The following ARHGEF26 variants were observed in gnomAD, a reference collection of about 807,000 sequenced individuals.
The protein encoded by ARHGEF26 is Rho guanine nucleotide exchange factor 26, also known as Rho guanine nucleotide exchange factor (GEF) 26.
A neutral mutation model predicts 89.4 loss-of-function variants in ARHGEF26; 59 were observed. That is an observed-to-expected ratio of 0.66 (90% CI 0.54 to 0.82). The LOEUF is 0.82. Among genes scored for constraint, ARHGEF26 ranks in the 40% least tolerant of loss-of-function variants. The probability of loss-of-function intolerance (pLI) is 0.00; values close to 1 mark genes in which losing one functional copy is unlikely to be tolerated. For synonymous variants in ARHGEF26, 500 were observed against 428.4 expected, an observed-to-expected ratio of 1.17 and a Z score of -2.06; for missense variants, 1,234 against 1,085.6, an observed-to-expected ratio of 1.14 and a Z score of -1.92.
intron 6 of ARHGEF26, among the ~76,000 whole-genome samples, chr3:154,167,932 G>A (rs560675459): frequency 6.6e-6 from 1 of 152,032 alleles, no homozygotes. Context: ...CAATCTCCAG[G>A]TATTTTATTT....
intron 4 of ARHGEF26, among the ~76,000 whole-genome samples, chr3:154,140,115 CTGAA>C (rs1719268303): frequency 6.7e-6 from 1 of 148,970 alleles, no homozygotes; most frequent in East Asian, 2.0e-4. Flanking sequence ...GTCCAAAGTT[CTGAA>C]TGAGCAGACT....
chr3:154,225,361 G>A (rs940508395), intron 10 of ARHGEF26, among the ~76,000 whole-genome samples: 1 of 151,930 alleles, frequency 6.6e-6, no homozygotes, highest in Non-Finnish European at 1.5e-5. Flanking sequence ...AAGCATGTAG[G>A]TTTTTTTCTC....
intron 6 of ARHGEF26, among the ~76,000 whole-genome samples, chr3:154,180,838 G>A (rs1713138397): frequency 6.6e-6 from 1 of 151,958 alleles, no homozygotes; most frequent in Admixed American, 6.6e-5. Flanking sequence ...GATGTAGGTA[G>A]GATATTTTCT....
At chr3:154,237,145 G>A (rs1319089186) in intron 11 of ARHGEF26, among the ~76,000 whole-genome samples, 2 of 152,120 alleles carry the variant, frequency 1.3e-5, no homozygotes, top group Non-Finnish European at 2.9e-5. Flanking sequence ...CTTAATCAGT[G>A]GCATTGTAGT....
At chr3:154,132,560 C>T (rs1297736106) in intron 4 of ARHGEF26, among the ~76,000 whole-genome samples, 4 of 152,116 alleles carry the variant, frequency 2.6e-5, no homozygotes, top group East Asian at 1.9e-4. Flanking sequence ...AGGACCCTAA[C>T]GAGCGGAGGC....
chr3:154,151,854 A>G (rs1340410871), intron 5 of ARHGEF26, among the ~76,000 whole-genome samples: 1 of 152,148 alleles, frequency 6.6e-6, no homozygotes, highest in Non-Finnish European at 1.5e-5. Context: ...GAAGGGGTGG[A>G]GCCCTGGAGA....
intron 4 of ARHGEF26, among the ~76,000 whole-genome samples, chr3:154,137,952 C>G (rs1465109796): frequency 6.6e-6 from 1 of 152,152 alleles, no homozygotes; most frequent in African/African-American, 2.4e-5. Context: ...TGGCAATACT[C>G]TTCTGAAAAT....
chr3:154,255,940 T>A lies in ARHGEF26; in HGVS notation c.*467T>A. ...ATTTCCCTGCCTTTTTTTTTCTTTT[T>A]TTACATCTGATTTTAATGCTTCGTT... On this transcript the variant is annotated 3_prime_UTR_variant, in exon 15 of 15. Coordinates refer to ENST00000465093, the MANE Select transcript of ARHGEF26 (RefSeq NM_015595.4). 4 of 986,824 alleles carry A rather than the reference T, an allele frequency of 4.1e-6. No individual in the cohort carries two copies. Among genetic ancestry groups the A allele is most frequent in the Non-Finnish European group, 4.8e-6 (4 of 830,694 alleles). 61.1% of individuals were successfully genotyped at this position (986,824 alleles called of 1,614,324 possible). A position where few individuals can be genotyped will look rare whatever the true frequency, so the allele number is the denominator to read the frequency against.
At chr3:154,155,134 A>C (rs1720253294) in intron 6 of ARHGEF26, among the ~76,000 whole-genome samples, 1 of 151,928 alleles carries the variant, frequency 6.6e-6, no homozygotes, top group South Asian at 2.1e-4. Flanking sequence ...CTGATAGGTA[A>C]GGAGGATTAT....
intron 4 of ARHGEF26, among the ~76,000 whole-genome samples, chr3:154,132,856 C>G (rs890635268): frequency 6.6e-6 from 1 of 151,894 alleles, no homozygotes; most frequent in Non-Finnish European, 1.5e-5. Context: ...TTTTAATAAT[C>G]AAAATAGTAA....
At chr3:154,249,459 G>T (rs141577810) in intron 12 of ARHGEF26, among the ~76,000 whole-genome samples, 5 of 152,318 alleles carry the variant, frequency 3.3e-5, no homozygotes, top group Non-Finnish European at 7.3e-5. Context: ...GTTATGAAAA[G>T]ACTACATTTA....
intron 9 of ARHGEF26, among the ~76,000 whole-genome samples, chr3:154,199,234 G>A (rs920064443): frequency 7.9e-5 from 12 of 151,252 alleles, no homozygotes; most frequent in Non-Finnish European, 1.8e-4. Flanking sequence ...CCTAGCCTCT[G>A]GTAAGCATCA....
intron 6 of ARHGEF26, among the ~76,000 whole-genome samples, chr3:154,176,056 G>A (rs1354693516): frequency 6.6e-6 from 1 of 152,186 alleles, no homozygotes; most frequent in African/African-American, 2.4e-5. Flanking sequence ...TGTTACCGTG[G>A]CAGGGCCTGG....
intron 6 of ARHGEF26, among the ~76,000 whole-genome samples, chr3:154,181,083 T>C (rs1452612752): frequency 6.6e-6 from 1 of 152,156 alleles, no homozygotes; most frequent in African/African-American, 2.4e-5. Context: ...CCTGATCCAG[T>C]ATGTCAAAAG....
chr3:154,150,758 T>G (rs375606942), intron 5 of ARHGEF26, among the ~76,000 whole-genome samples: 3 of 152,142 alleles, frequency 2.0e-5, no homozygotes, highest in South Asian at 4.1e-4. Flanking sequence ...ATTTGAACAT[T>G]TTTGTTCTTT....
chr3:154,125,225 A>C (rs564891616), intron 3 of ARHGEF26, among the ~76,000 whole-genome samples: 4 of 152,222 alleles, frequency 2.6e-5, no homozygotes, highest in African/African-American at 9.6e-5. Context: ...CCATAGGTCA[A>C]GCAAATGTAC....
chr3:154,157,686 G>A (rs1711499327), intron 6 of ARHGEF26, among the ~76,000 whole-genome samples: 2 of 151,984 alleles, frequency 1.3e-5, no homozygotes, highest in Admixed American at 6.6e-5. Context: ...CTGAAAAGGC[G>A]GGGTCCTCCT....
At chr3:154,146,392 A>G (rs1332142009) in intron 4 of ARHGEF26, among the ~76,000 whole-genome samples, 1 of 149,768 alleles carries the variant, frequency 6.7e-6, no homozygotes, top group East Asian at 2.0e-4. Flanking sequence ...ACAAGGTATC[A>G]AAAAGGAAAC....
chr3:154,194,866 A>G (rs1714192866), intron 9 of ARHGEF26, 148 bp downstream of exon 9: 2 of 677,776 alleles, frequency 3.0e-6, no homozygotes, highest in African/African-American at 3.6e-5. Flanking sequence ...ACAAAATCAT[A>G]TTTGCTATAC....
Sources: allele counts gnomAD v4.1 joint callset (sites outside exome capture counted in the v4.1 genomes callset), GRCh38; gene constraint gnomAD v4.1.1; transcripts MANE v1.5; gene names NCBI Gene and HGNC (gene_info 2026-07-23, HGNC 2026-07-21).